The following GTF2F1 variants were observed in gnomAD, a reference collection of about 807,000 sequenced individuals.
The protein encoded by GTF2F1 is general transcription factor IIF 74 kDa subunit.
GTF2F1 carries 39 observed loss-of-function variants against 63.5 expected under a neutral mutation model. The ratio of observed to expected loss-of-function variants is 0.61; its 90% CI spans 0.48 to 0.80. The LOEUF (loss-of-function observed/expected upper bound fraction) is 0.80. Ranked by LOEUF, GTF2F1 falls within the 30% of genes least tolerant of loss-of-function variation. GTF2F1 has a pLI of 0.00. For synonymous variants in GTF2F1, 287 were observed against 285.3 expected, an observed-to-expected ratio of 1.01 and a Z score of -0.06; for missense variants, 657 against 718.3, an observed-to-expected ratio of 0.91 and a Z score of 0.97.
Position 6,380,124 on chromosome 19 carries a change from C to G in GTF2F1, c.*157G>C. 1 of 722,008 alleles carries G rather than the reference C, an allele frequency of 1.4e-6. No individual in the cohort carries two copies. The allele number at this position is 722,008 out of a possible 1,614,324, so 44.7% of individuals were successfully genotyped here. A position where few individuals can be genotyped will look rare whatever the true frequency, so the allele number is the denominator to read the frequency against. ...TTCCAGAATTGCTAACTACGGGGCC[C>G]TGGGAGTCAGGGAGCAAGCAGGATG... On this transcript the variant is annotated 3_prime_UTR_variant, in exon 13 of 13. Transcript: ENST00000394456. This position sits in a 1 kb window ranked among gnomAD's most constrained non-coding sequence, Gnocchi z 5.3.
rs375506635 is a variant in GTF2F1, at chr19:6,392,894, T to C, written c.22A>G (p.Ser8Gly). 1.4e-5 allele frequency: 22 copies of C among 1,614,028 alleles called. No individual in the cohort carries two copies. Among genetic ancestry groups the C allele is most frequent in the Non-Finnish European group, 1.9e-5 (22 of 1,180,010 alleles). Reference protein sequence around the residue: MAALGPSSQNVTEYVVRV... With the variant: MAALGPSGQNVTEYVVRV... ...ACGACGTATTCAGTGACATTCTGGC[T>C]GCTAGGGCCCTGCGGAAAGAGGAAG... Residue 8 changes from serine (S) to glycine (G), a missense_variant, in exon 2 of 13, where the codon AGC becomes GGC. By Grantham distance (56) the Ser-to-Gly change is moderately conservative (BLOSUM62 0). Coordinates refer to ENST00000394456, the MANE Select transcript of GTF2F1 (RefSeq NM_002096.3).
At chr19:6,389,890 A>G (rs1255395870) in intron 3 of GTF2F1, among the ~76,000 whole-genome samples, 2 of 152,310 alleles carry the variant, frequency 1.3e-5, no homozygotes, top group East Asian at 3.9e-4. Flanking sequence ...GAAAAAGACC[A>G]CCTGGTGACC....
intron 2 of GTF2F1, 44 bp from the exon 3 acceptor site, chr19:6,392,018 T>C (rs753741169): frequency 1.5e-5 from 14 of 963,210 alleles, no homozygotes; most frequent in African/African-American, 3.2e-5. Flanking sequence ...ATACAGCAAT[T>C]CAATCATTAA....
rs1238707115 is a variant in GTF2F1 at position 6,392,955 on chromosome 19, C to T, written c.12+29G>A. 7 of 1,614,094 alleles carry T rather than the reference C, an allele frequency of 4.3e-6. No homozygotes were observed. In the South Asian group the frequency reaches 6.6e-5, roughly 15 times the overall value. ...GGGGTCGCCGAGGTCGCCGTCGGAA[C>T]CCCCGAACCCCGCCAAATCCACACT... On this transcript the variant is annotated intron_variant, in intron 1 of 12. Coordinates refer to ENST00000394456, the MANE Select transcript of GTF2F1 (RefSeq NM_002096.3).
intron 6 of GTF2F1, among the ~76,000 whole-genome samples, chr19:6,382,645 A>T (rs952456200): frequency 1.4e-4 from 21 of 151,508 alleles, no homozygotes; most frequent in Admixed American, 4.6e-4. Flanking sequence ...AAAAAAAAAA[A>T]AAATTAGCCG....
At position 6,392,844 on chromosome 19, in the gene GTF2F1, G is replaced by A. The variant is rs1357070171; in HGVS notation, c.59+13C>T. Reference sequence around the variant, plus strand: ...GGGGTGGAGAGGAGTGGGAGATGGGGCTGGGGACTTACTTAGGAACTCGAA... The same window carrying A: ...GGGGTGGAGAGGAGTGGGAGATGGGACTGGGGACTTACTTAGGAACTCGAA... On this transcript the variant is annotated intron_variant, in intron 2 of 12. Coordinates refer to ENST00000394456, the MANE Select transcript of GTF2F1 (RefSeq NM_002096.3). 2 of 1,611,982 alleles carry A rather than the reference G, an allele frequency of 1.2e-6. No homozygotes were observed. Among genetic ancestry groups the A allele is most frequent in the Non-Finnish European group, 1.7e-6 (2 of 1,178,204 alleles).
At position 6,392,194 on chromosome 19, in the gene GTF2F1, C is replaced by G. The variant is rs149822146; in HGVS notation, c.60-220G>C. The G allele has an allele frequency of 5.0e-4, 301 of 596,606 alleles. 1 individual carries two copies. The highest frequency in any genetic ancestry group is 4.7e-3 in the African/African-American group (257 of 54,800). 37.0% of individuals were successfully genotyped at this position (596,606 alleles called of 1,614,324 possible). Reference sequence around the variant, plus strand: ...CATTAATTCAATTCAATTCACTCAACAAACCCACCCAGCTTCATTCAGCCT... The same window carrying G: ...CATTAATTCAATTCAATTCACTCAAGAAACCCACCCAGCTTCATTCAGCCT... On this transcript the variant is annotated intron_variant, in intron 2 of 12. Coordinates refer to ENST00000394456, the MANE Select transcript of GTF2F1 (RefSeq NM_002096.3).
intron 4 of GTF2F1, among the ~76,000 whole-genome samples, chr19:6,389,143 G>A (rs182870271): frequency 8.4e-4 from 127 of 151,920 alleles, no homozygotes; most frequent in African/African-American, 2.8e-3. Context: ...GGCTCAGGCA[G>A]GAGAATAACT....
At chr19:6,384,191 C>T (rs2091965808) in intron 5 of GTF2F1, among the ~76,000 whole-genome samples, 1 of 151,726 alleles carries the variant, frequency 6.6e-6, no homozygotes, top group Admixed American at 6.6e-5. Flanking sequence ...TGTCTCATTG[C>T]TCAGGGAAGC....
rs1271302678 is a variant in GTF2F1 at position 6,383,575 on chromosome 19, C to T, written c.498-80G>A. The T allele has an allele frequency of 9.6e-6, 14 of 1,459,190 alleles. No individual in the cohort carries two copies. In the East Asian group the frequency reaches 2.8e-4, roughly 29 times the overall value. The allele number at this position is 1,459,190 out of a possible 1,614,324, so 90.4% of individuals were successfully genotyped here. A position where few individuals can be genotyped will look rare whatever the true frequency, so the allele number is the denominator to read the frequency against. ...TGCTTGCAGGGGGCGAGCCCCAGGGCACCACCCACATAGCCTTCAAGGTGA... is the reference window on the plus strand; with the variant it reads ...TGCTTGCAGGGGGCGAGCCCCAGGGTACCACCCACATAGCCTTCAAGGTGA... On this transcript the variant is annotated intron_variant, in intron 5 of 12. Coordinates refer to ENST00000394456, the MANE Select transcript of GTF2F1 (RefSeq NM_002096.3). The surrounding 1 kb of genome is among the most constrained non-coding windows in gnomAD (Gnocchi z 4.5).
Position 6,380,784 on chromosome 19 carries a change from G to C in GTF2F1, c.1232-94C>G. The stretch of plus-strand genomic sequence containing the variant: ...GGGCAGTGCCAGGATTAGGGTTCAA[G>C]GGGATCAGGGAGAGACAGGCCTCCA... On this transcript the variant is annotated intron_variant, in intron 11 of 12. Coordinates refer to ENST00000394456, the MANE Select transcript of GTF2F1 (RefSeq NM_002096.3). The surrounding 1 kb of genome is among the most constrained non-coding windows in gnomAD (Gnocchi z 5.3). 1 of 1,537,362 alleles carries C rather than the reference G, an allele frequency of 6.5e-7. No homozygotes were observed. Among genetic ancestry groups the C allele is most frequent in the Admixed American group, 1.8e-5 (1 of 57,118 alleles).
rs1599207672 is a variant in GTF2F1 at position 6,380,183 on chromosome 19, G to A, written c.*98C>T. 8 of 1,027,066 alleles carry A rather than the reference G, an allele frequency of 7.8e-6. No individual in the cohort carries two copies. 63.6% of individuals were successfully genotyped at this position (1,027,066 alleles called of 1,614,324 possible). On this transcript the variant is annotated 3_prime_UTR_variant, in exon 13 of 13. Coordinates refer to ENST00000394456, the MANE Select transcript of GTF2F1 (RefSeq NM_002096.3). The surrounding 1 kb of genome is among the most constrained non-coding windows in gnomAD (Gnocchi z 5.3). ...TCACTGAGAGCCTGAAGTTCTGGAGGGCAGAGCCATGTATTGGACAGAGCC... is the reference window on the plus strand; with the variant it reads ...TCACTGAGAGCCTGAAGTTCTGGAGAGCAGAGCCATGTATTGGACAGAGCC...
chr19:6,392,953 A>T (rs371005649), intron 1 of GTF2F1, 31 bp downstream of exon 1: 1 of 1,613,910 alleles, frequency 6.2e-7, no homozygotes, highest in African/African-American at 1.3e-5. Flanking sequence ...TCGCCGTCGG[A>T]ACCCCCGAAC....
Position 6,380,466 on chromosome 19 carries a change from C to T in GTF2F1, c.1369G>A (p.Asp457Asn), listed in dbSNP as rs532144980. 3 of 1,614,064 alleles carry T rather than the reference C, an allele frequency of 1.9e-6. No individual in the cohort carries two copies. The highest frequency in any genetic ancestry group is 3.3e-5 in the Admixed American group (2 of 59,996). The change falls in exon 13 of 13, where the codon GAT becomes AAT. Residue 457 changes from aspartate (D) to asparagine (N), a missense_variant. Coordinates refer to ENST00000394456, the MANE Select transcript of GTF2F1 (RefSeq NM_002096.3). This position sits in a 1 kb window ranked among gnomAD's most constrained non-coding sequence, Gnocchi z 5.3. ...CGTGTCAGGTAGCGGCGCACGGCATCCTCAGTCACCTGCACGTCGCTGAGG... is the reference window on the plus strand; with the variant it reads ...CGTGTCAGGTAGCGGCGCACGGCATTCTCAGTCACCTGCACGTCGCTGAGG... ...PNSGDVQVTE[D>N]AVRRYLTRKP...
chr19:6,387,483 A>G lies in GTF2F1; in HGVS notation c.403T>C (p.Phe135Leu). ...CAGTTGTGCACGGGGAAGGCCTCGAAGGCCCCGTCGGGGCACTGGGTGAAG... is the reference window on the plus strand; with the variant it reads ...CAGTTGTGCACGGGGAAGGCCTCGAGGGCCCCGTCGGGGCACTGGGTGAAG... ...YIFTQCPDGAFEAFPVHNWYN... is the reference protein window; with the variant it reads ...YIFTQCPDGALEAFPVHNWYN... The change falls in exon 5 of 13, where the codon TTC (phenylalanine) becomes CTC (leucine). Residue 135 changes from phenylalanine to leucine, a missense_variant. By Grantham distance (22) the Phe-to-Leu change is conservative. Coordinates refer to ENST00000394456, the MANE Select transcript of GTF2F1 (RefSeq NM_002096.3). 6.2e-7 allele frequency: 1 copy of G among 1,614,044 alleles called. No homozygotes were observed. The highest frequency in any genetic ancestry group is 8.5e-7 in the Non-Finnish European group (1 of 1,179,884).
At position 6,389,614 on chromosome 19, in the gene GTF2F1, G is replaced by C; in HGVS notation, c.156C>G (p.Ser52Arg). The change falls in exon 4 of 13, where the codon AGC becomes AGG. Residue 52 changes from serine to arginine, a missense_variant. By Grantham distance (110) the Ser-to-Arg change is moderately radical. This residue lies in a region of GTF2F1 where 602 missense variants were observed against 625.6 expected (regional missense o/e 0.96). Transcript: ENST00000394456. ...CCTCCTCTTGGTAGATTTTCTTGTT[G>C]CTCAAGTCCCGCTCCAGCCGAGCCT... ...WNQARLERDL[S>R]NKKIYQEEEM... is the part of the protein sequence containing the mutation. 1 of 1,613,964 alleles carries C rather than the reference G, an allele frequency of 6.2e-7. No individual in the cohort carries two copies.
intron 3 of GTF2F1, among the ~76,000 whole-genome samples, chr19:6,391,174 A>C (rs979578927): frequency 6.6e-6 from 1 of 152,124 alleles, no homozygotes; most frequent in Non-Finnish European, 1.5e-5. Flanking sequence ...TTGTCTCCCC[A>C]TAGCAGCCAG....
intron 5 of GTF2F1, among the ~76,000 whole-genome samples, chr19:6,385,200 G>A (rs924069718): frequency 1.3e-5 from 2 of 151,942 alleles, no homozygotes; most frequent in Non-Finnish European, 2.9e-5. Context: ...TTGGAGACCA[G>A]CCTGGGCAAT....
chr19:6,381,592 C>G lies in GTF2F1; in HGVS notation c.860G>C (p.Ser287Thr). ...CTCCTGCTGCGGCGCCTTGGCCTTGCTCTCAGGCTCTTCTTGGGAGCTACT... is the reference window on the plus strand; with the variant it reads ...CTCCTGCTGCGGCGCCTTGGCCTTGGTCTCAGGCTCTTCTTGGGAGCTACT... ...GSSSSQEEPE[S>T]KAKAPQQEEG... The change falls in exon 8 of 13, where the codon AGC becomes ACC. Residue 287 changes from serine to threonine, a missense_variant. By Grantham distance (58) the Ser-to-Thr change is moderately conservative. This residue lies in a region of GTF2F1 where 602 missense variants were observed against 625.6 expected (regional missense o/e 0.96). Coordinates refer to ENST00000394456, the MANE Select transcript of GTF2F1 (RefSeq NM_002096.3). The surrounding 1 kb of genome is among the most constrained non-coding windows in gnomAD (Gnocchi z 4.1). 6.2e-7 allele frequency: 1 copy of G among 1,613,792 alleles called. No homozygotes were observed. The highest frequency in any genetic ancestry group is 8.5e-7 in the Non-Finnish European group (1 of 1,180,014).
Sources: allele counts gnomAD v4.1 joint callset (sites outside exome capture counted in the v4.1 genomes callset), GRCh38; gene constraint gnomAD v4.1.1; regional missense constraint gnomAD v4.1.1; non-coding constraint Gnocchi (gnomAD v3.1); transcripts MANE v1.5; gene names NCBI Gene and HGNC (gene_info 2026-07-23, HGNC 2026-07-21).